NPAS3: variants seen among roughly 807,000 people sequenced by gnomAD.
The protein encoded by NPAS3 is neuronal PAS domain protein 3, also known as neuronal PAS domain-containing protein 3.
In NPAS3, 14 loss-of-function variants were observed where a neutral mutation model predicts 73.1. The observed-to-expected ratio is 0.19, with a 90% CI of 0.13 to 0.30. The LOEUF (loss-of-function observed/expected upper bound fraction) is 0.30. NPAS3 is among the 10% of genes least tolerant of loss of function. NPAS3 has a pLI of 1.00. For missense variants in NPAS3, 1,096 were observed against 1,250.0 expected (o/e 0.88, Z 1.86); for synonymous variants, 620 against 541.5 (o/e 1.14, Z -2.01).
chr14:33,655,331 CTTTTTTTTTTTT>C (rs3059406), intron 5 of NPAS3, among the ~76,000 whole-genome samples: 4 of 105,886 alleles, frequency 3.8e-5, no homozygotes, highest in African/African-American at 1.1e-4. Flanking sequence ...ACCTTTGGCT[CTTTTTTTTTTTT>C]TTTTTTTTTT....
chr14:33,129,405 C>T (rs948309789), intron 2 of NPAS3, among the ~76,000 whole-genome samples: 1 of 152,056 alleles, frequency 6.6e-6, no homozygotes, highest in Non-Finnish European at 1.5e-5. Context: ...CCAAAAACTG[C>T]GGTGGTTTTC....
intron 4 of NPAS3, among the ~76,000 whole-genome samples, chr14:33,502,417 C>A (rs1158857250): frequency 6.6e-6 from 1 of 151,894 alleles, no homozygotes; most frequent in Non-Finnish European, 1.5e-5. Context: ...AGATGAGCTC[C>A]TGTGCTGCTC....
chr14:33,498,947 T>A lies in NPAS3; in HGVS notation c.469-61174T>A, dbSNP rs1310381314. On this transcript the variant is annotated intron_variant, in intron 4 of 11. Coordinates refer to ENST00000356141, the Ensembl canonical transcript of NPAS3. ...GAGACAGAGAGAGAGTGTGTGTGTG[T>A]GTGTGTGTGTGTGTGTGTGTGTGTG... Among the ~76,000 whole-genome samples the A allele has an allele frequency of 3.4e-4, 48 of 141,336 alleles. No individual in the cohort carries two copies. The Middle Eastern group carries it at 0.011, about 31-fold the overall frequency. 92.7% of individuals were successfully genotyped at this position (141,336 alleles called of 152,430 possible).
chr14:33,800,404 T>C lies in NPAS3; in HGVS notation c.2097T>C (p.Gly699=), dbSNP rs368102183. 195 of 1,590,254 alleles carry C rather than the reference T, an allele frequency of 1.2e-4. No homozygotes were observed. The highest frequency in any genetic ancestry group is 1.6e-4 in the Non-Finnish European group (183 of 1,169,914). ...TCCCGTCCCCGCAGGGCGGCGGCGG[T>C]GGGGGTGGCGGTGGCGGGGGGCTGC... Residue 699 remains glycine, a synonymous_variant, in exon 12 of 12, where the codon GGT becomes GGC. Coordinates refer to ENST00000356141, the Ensembl canonical transcript of NPAS3. The surrounding 1 kb of genome is among the most constrained non-coding windows in gnomAD (Gnocchi z 6.5).
chr14:33,425,620 A>G (rs1057503781), intron 4 of NPAS3, among the ~76,000 whole-genome samples: 1 of 150,656 alleles, frequency 6.6e-6, no homozygotes, highest in Non-Finnish European at 1.5e-5. Flanking sequence ...CTTCAGTTCC[A>G]CATGACTTCA....
intron 3 of NPAS3, among the ~76,000 whole-genome samples, chr14:33,219,043 T>C (rs1430710333): frequency 1.3e-5 from 2 of 152,210 alleles, no homozygotes; most frequent in African/African-American, 4.8e-5. Flanking sequence ...ATATCTGTGT[T>C]GTTATAATAC....
At chr14:33,120,790 C>T (rs574898341) in intron 2 of NPAS3, among the ~76,000 whole-genome samples, 13 of 151,960 alleles carry the variant, frequency 8.6e-5, no homozygotes, top group African/African-American at 2.9e-4. Flanking sequence ...GGCTATGAGC[C>T]TCAAAATTAG....
At chr14:33,072,031 C>T (rs1281881144) in intron 2 of NPAS3, among the ~76,000 whole-genome samples, 1 of 152,138 alleles carries the variant, frequency 6.6e-6, no homozygotes, top group East Asian at 1.9e-4. Context: ...GCTGAGATTA[C>T]AGATGTGCAC....
intron 6 of NPAS3, among the ~76,000 whole-genome samples, chr14:33,720,006 A>G (rs996983481): frequency 6.6e-6 from 1 of 152,200 alleles, no homozygotes; most frequent in African/African-American, 2.4e-5. Context: ...TAGTGTAGAA[A>G]TTACATTAAG....
At chr14:33,712,811 G>T (rs1256530659) in intron 6 of NPAS3, among the ~76,000 whole-genome samples, 1 of 152,152 alleles carries the variant, frequency 6.6e-6, no homozygotes, top group African/African-American at 2.4e-5. Flanking sequence ...TGCAGGCCAT[G>T]GGTAAACAAG....
At chr14:33,097,330 AC>A (rs1442636807) in intron 2 of NPAS3, among the ~76,000 whole-genome samples, 1 of 152,152 alleles carries the variant, frequency 6.6e-6, no homozygotes, top group African/African-American at 2.4e-5. Context: ...TTTATGTTTG[AC>A]TTTTGTTTTG....
At chr14:33,155,693 G>A (rs1017674690) in intron 2 of NPAS3, among the ~76,000 whole-genome samples, 3 of 152,140 alleles carry the variant, frequency 2.0e-5, no homozygotes, top group Non-Finnish European at 4.4e-5. Context: ...AAAGTTCACC[G>A]AGCTAATCCT....
At chr14:33,504,529 G>T (rs1266232150) in intron 4 of NPAS3, among the ~76,000 whole-genome samples, 1 of 151,922 alleles carries the variant, frequency 6.6e-6, no homozygotes, top group Non-Finnish European at 1.5e-5. Context: ...ATTTCAAATT[G>T]GCTGGCCATT....
At chr14:33,026,080 C>T (rs1371996472) in intron 1 of NPAS3, among the ~76,000 whole-genome samples, 2 of 152,158 alleles carry the variant, frequency 1.3e-5, no homozygotes, top group Non-Finnish European at 2.9e-5. Context: ...TCTACTACTA[C>T]AAAAGGAACA....
intron 5 of NPAS3, among the ~76,000 whole-genome samples, chr14:33,663,132 C>A (rs1165951649): frequency 1.3e-5 from 2 of 152,010 alleles, no homozygotes; most frequent in Non-Finnish European, 2.9e-5. Context: ...GGAGAGAGGG[C>A]ATCCTTGTCT....
intron 3 of NPAS3, among the ~76,000 whole-genome samples, chr14:33,307,926 T>C (rs1454181656): frequency 1.3e-5 from 2 of 152,152 alleles, no homozygotes; most frequent in East Asian, 3.9e-4. Context: ...CCTTCCGTTG[T>C]TGGAACACTA....
intron 2 of NPAS3, among the ~76,000 whole-genome samples, chr14:33,199,239 C>A (rs1381986282): frequency 6.6e-6 from 1 of 152,140 alleles, no homozygotes; most frequent in Non-Finnish European, 1.5e-5. Context: ...GAGCAGACGC[C>A]CAGGCCGAGG....
intron 5 of NPAS3, among the ~76,000 whole-genome samples, chr14:33,586,698 T>C (rs1399362861): frequency 6.6e-6 from 1 of 152,212 alleles, no homozygotes; most frequent in Non-Finnish European, 1.5e-5. Context: ...AAATATAATT[T>C]TCTTTAAGCA....
At chr14:33,688,053 A>C (rs1010244619) in intron 6 of NPAS3, among the ~76,000 whole-genome samples, 16 of 152,344 alleles carry the variant, frequency 1.1e-4, no homozygotes, top group Middle Eastern at 3.4e-3. Context: ...ATTCCTCCTC[A>C]TAACTGCTCT....
Sources: gnomAD v4.1 joint callset for allele counts (sites outside exome capture counted in the v4.1 genomes callset) on GRCh38, gnomAD v4.1.1 for gene constraint, Gnocchi (gnomAD v3.1) non-coding constraint, MANE v1.5 for transcripts, NCBI Gene and HGNC (gene_info 2026-07-23, HGNC 2026-07-21) for gene names.